Variants in CDH12 observed in about 807,000 individuals in gnomAD.
The protein encoded by CDH12 is cadherin-12.
A neutral mutation model predicts 74.1 loss-of-function variants in CDH12; 41 were observed. The observed-to-expected ratio is 0.55, with a 90% CI of 0.43 to 0.72. The LOEUF is 0.72. Ranked by LOEUF, CDH12 falls within the 30% of genes least tolerant of loss-of-function variation. CDH12 has a pLI of 0.00. For missense variants in CDH12, 945 were observed against 977.2 expected (o/e 0.97, Z 0.44); for synonymous variants, 399 against 355.0 (o/e 1.12, Z -1.39).
intron 2 of CDH12, among the ~76,000 whole-genome samples, chr5:22,489,056 C>CTTTTTTTT (rs10685463): frequency 0.036 from 1,343 of 37,238 alleles, 554 homozygotes; most frequent in African/African-American, 0.089. Flanking sequence ...TTGGTACCAC[C>CTTTTTTTT]TTTTTTTTTT....
chr5:22,429,102 C>CTATTTTATTT (rs546752099), intron 2 of CDH12, among the ~76,000 whole-genome samples: 1,694 of 144,860 alleles, frequency 0.012, 44 homozygotes, highest in African/African-American at 0.042. Flanking sequence ...CACTTTTATT[C>CTATTTTATTT]TATTTTATTT....
intron 1 of CDH12, among the ~76,000 whole-genome samples, chr5:22,746,386 A>C (rs1745298087): frequency 6.6e-6 from 1 of 152,212 alleles, no homozygotes; most frequent in African/African-American, 2.4e-5. Context: ...AAAAAGTGAC[A>C]GAAGGAAGAG....
At chr5:22,400,210 C>G (rs1742669335) in intron 3 of CDH12, among the ~76,000 whole-genome samples, 1 of 151,976 alleles carries the variant, frequency 6.6e-6, no homozygotes, top group Non-Finnish European at 1.5e-5. Flanking sequence ...GCCTGGTATT[C>G]TTTTGTCATT....
chr5:21,915,037 C>T (rs1444841583), intron 6 of CDH12, among the ~76,000 whole-genome samples: 1 of 152,152 alleles, frequency 6.6e-6, no homozygotes, highest in African/African-American at 2.4e-5. Flanking sequence ...GAGAATGAAC[C>T]AAGGCAGAAA....
At chr5:22,067,646 C>A (rs1456134057) in intron 5 of CDH12, among the ~76,000 whole-genome samples, 1 of 152,110 alleles carries the variant, frequency 6.6e-6, no homozygotes, top group African/African-American at 2.4e-5. Flanking sequence ...TGCTGTGTGG[C>A]ATCTTTGGTT....
intron 1 of CDH12, among the ~76,000 whole-genome samples, chr5:22,594,975 T>G (rs935409949): frequency 6.6e-6 from 1 of 152,184 alleles, no homozygotes; most frequent in African/African-American, 2.4e-5. Context: ...AACATAATAA[T>G]GTCCCCAAAC....
rs146713223 is a variant in CDH12, at chr5:22,507,664, T to A, written c.-522-2300A>T. ...ATTCTAAGCCATTTCATTCCCTTCA[T>A]CTATATTAGATATTTTGGTTAGAAT... On this transcript the variant is annotated intron_variant, in intron 1 of 14. Transcript: ENST00000382254. Among the ~76,000 whole-genome samples the A allele has an allele frequency of 8.2e-3, 1,255 of 152,332 alleles. 12 individuals are homozygous for A. Among genetic ancestry groups the A allele is most frequent in the Non-Finnish European group, 0.011 (725 of 68,028 alleles).
chr5:22,345,200 T>C (rs987222017), intron 3 of CDH12, among the ~76,000 whole-genome samples: 3 of 151,620 alleles, frequency 2.0e-5, no homozygotes, highest in Admixed American at 1.3e-4. Flanking sequence ...TTAGATTTTT[T>C]ATTTTCTTTT....
At chr5:22,161,305 A>C (rs557433767) in intron 4 of CDH12, among the ~76,000 whole-genome samples, 168 of 152,308 alleles carry the variant, frequency 1.1e-3, no homozygotes, top group Non-Finnish European at 1.9e-3. Flanking sequence ...TAGATGATTT[A>C]AGAATCCTTA....
chr5:22,638,500 C>T (rs1301468879), intron 1 of CDH12, among the ~76,000 whole-genome samples: 1 of 152,116 alleles, frequency 6.6e-6, no homozygotes, highest in Non-Finnish European at 1.5e-5. Flanking sequence ...TTCATTCTAG[C>T]TGTCTGAAGC....
chr5:22,242,865 G>A (rs953035712), intron 3 of CDH12, among the ~76,000 whole-genome samples: 1 of 152,058 alleles, frequency 6.6e-6, no homozygotes, highest in Admixed American at 6.6e-5. Flanking sequence ...TGAGCTACTA[G>A]ATTTGATAAA....
intron 1 of CDH12, among the ~76,000 whole-genome samples, chr5:22,701,822 G>C (rs1742728765): frequency 6.6e-6 from 1 of 152,040 alleles, no homozygotes; most frequent in African/African-American, 2.4e-5. Flanking sequence ...TTTGTAAATG[G>C]TTTCAAATAT....
intron 5 of CDH12, among the ~76,000 whole-genome samples, chr5:22,048,659 C>A (rs896210037): frequency 3.3e-5 from 5 of 151,612 alleles, no homozygotes; most frequent in Non-Finnish European, 5.9e-5. Context: ...GGGGAAGACA[C>A]AAAAGAATTG....
intron 3 of CDH12, among the ~76,000 whole-genome samples, chr5:22,252,348 G>A (rs938773681): frequency 9.9e-5 from 15 of 151,644 alleles, no homozygotes; most frequent in African/African-American, 3.4e-4. Context: ...TATCTGTAGT[G>A]TTTGTGACAT....
In CDH12 at chr5:22,619,708, A is replaced by G. The variant is rs147684766; in HGVS notation, c.-522-114344T>C. ...CTCTTGATACATTGAGCCCTACTGC[A>G]AGTTAATTTTATATTTTCTAAACAA... is the stretch of plus-strand genomic sequence containing the variant. On this transcript the variant is annotated intron_variant, in intron 1 of 14. Transcript: ENST00000382254. Among the ~76,000 whole-genome samples, 475 of 151,720 alleles carry G rather than the reference A, an allele frequency of 3.1e-3. 4 individuals are homozygous for G. The highest frequency in any genetic ancestry group is 0.011 in the African/African-American group (452 of 41,432).
chr5:21,788,297 T>C (rs1746305997), intron 10 of CDH12, among the ~76,000 whole-genome samples: 1 of 152,094 alleles, frequency 6.6e-6, no homozygotes. Flanking sequence ...ATGGAAATCA[T>C]CCAAGAGGAG....
chr5:22,511,874 C>CA (rs1383227843), intron 1 of CDH12, among the ~76,000 whole-genome samples: 1 of 151,928 alleles, frequency 6.6e-6, no homozygotes, highest in Non-Finnish European at 1.5e-5. Context: ...ATAATTATTT[C>CA]AACTAATGAA....
At chr5:21,762,009 C>T (rs1744753194) in intron 12 of CDH12, among the ~76,000 whole-genome samples, 1 of 151,988 alleles carries the variant, frequency 6.6e-6, no homozygotes, top group African/African-American at 2.4e-5. Flanking sequence ...ACATACAGAC[C>T]CTATGAAACC....
At chr5:21,992,250 G>A (rs915326419) in intron 5 of CDH12, among the ~76,000 whole-genome samples, 4 of 151,824 alleles carry the variant, frequency 2.6e-5, no homozygotes, top group Non-Finnish European at 5.9e-5. Context: ...ATGCAAAAAC[G>A]AAAAAAATAG....
Sources: allele counts gnomAD v4.1 joint callset (sites outside exome capture counted in the v4.1 genomes callset), GRCh38; gene constraint gnomAD v4.1.1; transcripts MANE v1.5; gene names NCBI Gene and HGNC (gene_info 2026-07-23, HGNC 2026-07-21).